The following CACNA2D2 variants were observed in gnomAD, a reference collection of about 807,000 sequenced individuals.
CACNA2D2 encodes the protein calcium voltage-gated channel auxiliary subunit alpha2delta 2.
Under a neutral mutation model 166.4 loss-of-function variants are expected in CACNA2D2, and 48 were observed. The observed-to-expected ratio is 0.29, with a 90% CI of 0.23 to 0.37. The LOEUF (loss-of-function observed/expected upper bound fraction) is 0.37. CACNA2D2 is among the 10% of genes least tolerant of loss of function. The pLI is 1.00. For missense variants in CACNA2D2, 1,122 were observed against 1,433.0 expected, an observed-to-expected ratio of 0.78 and a Z score of 3.50; for synonymous variants, 561 against 573.7, an observed-to-expected ratio of 0.98 and a Z score of 0.32.
chr3:50,434,284 G>A (rs372049072), intron 3 of CACNA2D2, 29 bp downstream of exon 3: 52 of 1,522,080 alleles, frequency 3.4e-5, no homozygotes, highest in Non-Finnish European at 4.2e-5. Flanking sequence ...CCTCAGTGCC[G>A]CCCCCCTGCC....
Position 50,503,288 on chromosome 3 carries a change from G to A in CACNA2D2, c.136C>T (p.Leu46=). The A allele has an allele frequency of 9.0e-7, 1 of 1,110,092 alleles. No homozygotes were observed. Among genetic ancestry groups the A allele is most frequent in the South Asian group, 4.4e-5 (1 of 22,494 alleles). The allele number at this position is 1,110,092 out of a possible 1,614,324, so 68.8% of individuals were successfully genotyped here. The change falls in exon 1 of 38, where the codon CTG becomes TTG. Residue 46 remains leucine (L), a synonymous_variant. Coordinates refer to ENST00000424201, the MANE Select transcript of CACNA2D2 (RefSeq NM_006030.4). ...AGCAGCGGTAGAAGCGGCAGCAGCA[G>A]CCACAGCGGGCGCGGGGGCCCGGAC... ...PTSGPPRPLW[L]LLPLLPLLAA... is the part of the protein sequence containing the mutation.
chr3:50,396,654 G>A (rs772327905), intron 3 of CACNA2D2, among the ~76,000 whole-genome samples: 6 of 152,134 alleles, frequency 3.9e-5, no homozygotes, highest in East Asian at 1.9e-4. Flanking sequence ...AGTGTTAGGC[G>A]AGCACCTGCA....
chr3:50,463,868 T>C (rs1206551473), intron 2 of CACNA2D2, among the ~76,000 whole-genome samples: 1 of 152,222 alleles, frequency 6.6e-6, no homozygotes, highest in Non-Finnish European at 1.5e-5. Context: ...GAGCCTGCAC[T>C]GCAGACCTCA....
chr3:50,411,354 C>T (rs1445758185), intron 3 of CACNA2D2, among the ~76,000 whole-genome samples: 3 of 152,182 alleles, frequency 2.0e-5, no homozygotes, highest in Admixed American at 6.5e-5. Context: ...CTACCATGTC[C>T]GTGGTCTGCA....
At chr3:50,397,351 C>A (rs1384493151) in intron 3 of CACNA2D2, among the ~76,000 whole-genome samples, 1 of 152,192 alleles carries the variant, frequency 6.6e-6, no homozygotes, top group East Asian at 1.9e-4. Context: ...GTTAAACAGG[C>A]AGGCCCGGTG....
At chr3:50,485,668 G>T (rs1575765924) in intron 1 of CACNA2D2, among the ~76,000 whole-genome samples, 1 of 152,222 alleles carries the variant, frequency 6.6e-6, no homozygotes, top group African/African-American at 2.4e-5. Context: ...GGCACACATG[G>T]TAACAGTCAC....
Position 50,365,488 on chromosome 3 carries a change from AG to A in CACNA2D2, c.2972-7del. On this transcript the variant is annotated splice_region_variant and splice_polypyrimidine_tract_variant and intron_variant, in intron 34 of 37. Coordinates refer to ENST00000424201, the MANE Select transcript of CACNA2D2 (RefSeq NM_006030.4). The surrounding 1 kb of genome is among the most constrained non-coding windows in gnomAD (Gnocchi z 4.5). ...CCCCTCGGCCTCCGCGGGGTCTGCG[AG>A]GGCCCAGAGCGCCTCAGCTCCGCCC... The A allele has an allele frequency of 6.2e-7, 1 of 1,612,856 alleles. No homozygotes were observed. The highest frequency in any genetic ancestry group is 8.5e-7 in the Non-Finnish European group (1 of 1,179,726).
intron 22 of CACNA2D2, among the ~76,000 whole-genome samples, chr3:50,373,722 A>G: frequency 7.4e-6 from 1 of 134,632 alleles, no homozygotes. Context: ...ATGCAGGGAG[A>G]AGAGGAGGGA....
At chr3:50,497,011 G>C (rs778034185) in intron 1 of CACNA2D2, among the ~76,000 whole-genome samples, 3 of 152,194 alleles carry the variant, frequency 2.0e-5, no homozygotes, top group Non-Finnish European at 4.4e-5. Flanking sequence ...TGATCAGCAG[G>C]AAAGGCTTCC....
At position 50,429,275 on chromosome 3, in the gene CACNA2D2, G is replaced by C. The variant is rs377361439; in HGVS notation, c.405+5038C>G. 1.1e-3 allele frequency among the ~76,000 whole-genome samples: 166 copies of C among 152,140 alleles called. 6 individuals carry two copies. The South Asian group carries it at 0.034, about 31-fold the overall frequency. On this transcript the variant is annotated intron_variant, in intron 3 of 37. Transcript: ENST00000424201. ...TTTGCTGTGAGACCTGGAGCAAGTG[G>C]CTTAAGCTCTCTGAAGCTCAGTTTC...
chr3:50,389,520 AGGTGGG>A (rs1415586042), intron 4 of CACNA2D2, among the ~76,000 whole-genome samples: 1 of 152,196 alleles, frequency 6.6e-6, no homozygotes, highest in Admixed American at 6.5e-5. Context: ...GAAAGGACAC[AGGTGGG>A]GGCTGGTCAC....
chr3:50,364,553 G>A lies in CACNA2D2; in HGVS notation c.*113C>T. The A allele has an allele frequency of 3.1e-6, 4 of 1,290,450 alleles. No individual in the cohort carries two copies. The highest frequency in any genetic ancestry group is 2.9e-5 in the Admixed American group (1 of 34,700). The allele number at this position is 1,290,450 out of a possible 1,614,324, so 79.9% of individuals were successfully genotyped here. A position where few individuals can be genotyped will look rare whatever the true frequency, so the allele number is the denominator to read the frequency against. On this transcript the variant is annotated 3_prime_UTR_variant, in exon 38 of 38. Transcript: ENST00000424201. ...AGACTCTCAGGGCCTGGCCAGCTCAGGTCCTTCAGTGAGGGAGGGACGAGG... is the reference window on the plus strand; with the variant it reads ...AGACTCTCAGGGCCTGGCCAGCTCAAGTCCTTCAGTGAGGGAGGGACGAGG...
At chr3:50,395,539 G>A (rs1017140661) in intron 3 of CACNA2D2, among the ~76,000 whole-genome samples, 2 of 152,256 alleles carry the variant, frequency 1.3e-5, no homozygotes, top group South Asian at 2.1e-4. Flanking sequence ...AGAAGGTCCC[G>A]CCTCTTGGTA....
In CACNA2D2 at chr3:50,447,959, C is replaced by T. The variant is rs114914224; in HGVS notation, c.289-13530G>A. On this transcript the variant is annotated intron_variant, in intron 2 of 37. Transcript: ENST00000424201. ...CCTCCTTTTTAGGCCCCAGAACAGG[C>T]TAAGAGTCAGACCAGCCATATCCTC... Among the ~76,000 whole-genome samples, 1,028 of 152,258 alleles carry T rather than the reference C, an allele frequency of 6.8e-3. 6 individuals are homozygous for T. The highest frequency in any genetic ancestry group is 0.023 in the African/African-American group (961 of 41,550).
At chr3:50,492,555 C>T (rs12494707) in intron 1 of CACNA2D2, among the ~76,000 whole-genome samples, 5,014 of 152,314 alleles carry the variant, frequency 0.033, 583 homozygotes, top group East Asian at 0.25. Flanking sequence ...GGGAGTTAAA[C>T]GGGACCAACT....
intron 2 of CACNA2D2, among the ~76,000 whole-genome samples, chr3:50,437,668 C>A (rs1041567446): frequency 1.3e-5 from 2 of 152,198 alleles, no homozygotes; most frequent in Admixed American, 1.3e-4. Context: ...GAAAGGTCAT[C>A]TCTACATTGA....
At chr3:50,439,846 T>C (rs1178995597) in intron 2 of CACNA2D2, among the ~76,000 whole-genome samples, 2 of 152,196 alleles carry the variant, frequency 1.3e-5, no homozygotes, top group African/African-American at 2.4e-5. Context: ...GGTAGGGCGA[T>C]TGGCGACAGG....
chr3:50,432,770 C>T (rs1312762326), intron 3 of CACNA2D2, among the ~76,000 whole-genome samples: 1 of 152,204 alleles, frequency 6.6e-6, no homozygotes, highest in African/African-American at 2.4e-5. Context: ...GGAAGCTGGC[C>T]CCAAGAAGCA....
chr3:50,446,087 C>T (rs1258917444), intron 2 of CACNA2D2, among the ~76,000 whole-genome samples: 2 of 152,244 alleles, frequency 1.3e-5, no homozygotes, highest in East Asian at 3.8e-4. Flanking sequence ...CACTGGCAAA[C>T]ACCATGAGGG....
Sources: gnomAD v4.1 joint callset for allele counts (sites outside exome capture counted in the v4.1 genomes callset) on GRCh38, gnomAD v4.1.1 for gene constraint, Gnocchi (gnomAD v3.1) non-coding constraint, MANE v1.5 for transcripts, NCBI Gene and HGNC (gene_info 2026-07-23, HGNC 2026-07-21) for gene names.